The following CPED1 variants were observed in gnomAD, a reference collection of about 807,000 sequenced individuals.
The protein encoded by CPED1 is cadherin like and PC-esterase domain containing 1.
A neutral mutation model predicts 128.2 loss-of-function variants in CPED1; 114 were observed. The ratio of observed to expected loss-of-function variants is 0.89; its 90% CI spans 0.76 to 1.04. CPED1 has a LOEUF of 1.04. Ranked by LOEUF, CPED1 falls within the 50% of genes least tolerant of loss-of-function variation. The pLI is 0.00. For synonymous variants in CPED1, 462 were observed against 426.7 expected (o/e 1.08, Z -1.02); for missense variants, 1,211 against 1,207.1 (o/e 1.00, Z -0.05).
At chr7:121,221,791 G>T (rs985379597) in intron 16 of CPED1, among the ~76,000 whole-genome samples, 4 of 152,046 alleles carry the variant, frequency 2.6e-5, no homozygotes, top group African/African-American at 9.7e-5. Context: ...CATATCTTTT[G>T]CCCACTTTTT....
chr7:121,091,468 G>C (rs1027213923), intron 5 of CPED1, among the ~76,000 whole-genome samples: 1 of 152,188 alleles, frequency 6.6e-6, no homozygotes, highest in South Asian at 2.1e-4. Context: ...CTGTTAGTGA[G>C]TAGTGGTGGG....
chr7:121,208,476 T>G (rs752155153), intron 16 of CPED1, among the ~76,000 whole-genome samples: 2 of 152,070 alleles, frequency 1.3e-5, no homozygotes, highest in Non-Finnish European at 2.9e-5. Context: ...CTAGGTTCTT[T>G]ACATGTATCC....
chr7:121,290,040 A>G (rs917250864), intron 22 of CPED1, among the ~76,000 whole-genome samples: 4 of 152,046 alleles, frequency 2.6e-5, no homozygotes, highest in Admixed American at 2.6e-4. Context: ...CCCACTTACG[A>G]GTGAGACCAT....
At chr7:121,082,254 G>A (rs759157) in intron 5 of CPED1, among the ~76,000 whole-genome samples, 137,062 of 152,212 alleles carry the variant, frequency 0.9, 61,751 homozygotes, top group Middle Eastern at 0.99. Context: ...AATATTATGA[G>A]TCTATGAAAA....
intron 5 of CPED1, chr7:121,076,688 G>A (rs1027776384): frequency 2.6e-5 from 4 of 152,142 alleles, no homozygotes; most frequent in African/African-American, 7.2e-5. Flanking sequence ...CAATGTTTTA[G>A]TACTTCTTAT....
intron 22 of CPED1, 77 bp downstream of exon 22, chr7:121,271,507 A>C (rs1792228998): frequency 2.1e-6 from 3 of 1,399,414 alleles, no homozygotes; most frequent in African/African-American, 2.9e-5. Context: ...TTGTATTGTC[A>C]GTCTTATTTT....
At chr7:121,014,263 T>C (rs2116807822) in intron 2 of CPED1, among the ~76,000 whole-genome samples, 1 of 152,244 alleles carries the variant, frequency 6.6e-6, no homozygotes, top group East Asian at 1.9e-4. Context: ...AATAAAGATG[T>C]AGAATTGGGC....
intron 3 of CPED1, among the ~76,000 whole-genome samples, chr7:121,024,956 G>C (rs1792538854): frequency 6.6e-6 from 1 of 152,132 alleles, no homozygotes; most frequent in Non-Finnish European, 1.5e-5. Context: ...CAGTTTAGCT[G>C]TTTGAAGTAT....
intron 14 of CPED1, among the ~76,000 whole-genome samples, chr7:121,139,349 C>T (rs1245361081): frequency 6.6e-6 from 1 of 151,494 alleles, no homozygotes; most frequent in Non-Finnish European, 1.5e-5. Context: ...TGTTTTTCTT[C>T]CATAGCCTGA....
intron 16 of CPED1, among the ~76,000 whole-genome samples, chr7:121,199,799 C>T (rs776350153): frequency 7.9e-5 from 12 of 151,442 alleles, no homozygotes; most frequent in African/African-American, 1.7e-4. Context: ...GAACCACATA[C>T]GTAATTTTAA....
intron 16 of CPED1, among the ~76,000 whole-genome samples, chr7:121,215,173 G>A (rs1297784219): frequency 3.3e-5 from 5 of 151,956 alleles, no homozygotes. Context: ...GCTAGTGAAA[G>A]CATATTCCAG....
chr7:121,288,104 A>G (rs760355757), intron 22 of CPED1, among the ~76,000 whole-genome samples: 11 of 152,196 alleles, frequency 7.2e-5, no homozygotes, highest in Non-Finnish European at 2.9e-5. Context: ...AATAAATTGT[A>G]TGGGCTAGTG....
chr7:121,286,560 G>A lies in CPED1; in HGVS notation c.2869-8880G>A, dbSNP rs994980051. The stretch of plus-strand genomic sequence containing the variant: ...CTTTCTCCTACCCCTGGGAGATTCT[G>A]AAGGGTTATAAGATGAATGGCTGAC... On this transcript the variant is annotated intron_variant, in intron 22 of 22. Transcript: ENST00000310396. Among the ~76,000 whole-genome samples, 5 of 152,162 alleles carry A rather than the reference G, an allele frequency of 3.3e-5. No homozygotes were observed. In the East Asian group the frequency reaches 7.7e-4, roughly 23 times the overall value.
chr7:121,239,261 T>C (rs1475983044), intron 17 of CPED1, among the ~76,000 whole-genome samples: 1 of 152,184 alleles, frequency 6.6e-6, no homozygotes, highest in Non-Finnish European at 1.5e-5. Flanking sequence ...ACTGGATCTT[T>C]TTCTTTTCAC....
In CPED1 at chr7:121,244,305, G is replaced by A; in HGVS notation, c.2277G>A (p.Lys759=). The A allele has an allele frequency of 6.2e-7, 1 of 1,614,108 alleles. No individual in the cohort carries two copies. Among genetic ancestry groups the A allele is most frequent in the South Asian group, 1.1e-5 (1 of 91,082 alleles). The change falls in exon 18 of 23, where the codon AAG becomes AAA. Residue 759 remains lysine, a synonymous_variant. Coordinates refer to ENST00000310396, the MANE Select transcript of CPED1 (RefSeq NM_024913.5). Reference sequence around the variant, plus strand: ...ACTGCCAATATGGTGTCCTAACTAAGCCTCAACTCCAGCAGTGCCTGGGAG... The same window carrying A: ...ACTGCCAATATGGTGTCCTAACTAAACCTCAACTCCAGCAGTGCCTGGGAG... ...PHNCQYGVLT[K]PQLQQCLGGR...
At chr7:121,112,841 C>T (rs2116270516) in intron 7 of CPED1, among the ~76,000 whole-genome samples, 1 of 152,150 alleles carries the variant, frequency 6.6e-6, no homozygotes, top group East Asian at 1.9e-4. Context: ...TTGCAAACTG[C>T]CACACTAATG....
chr7:121,157,727 G>A (rs1444187177), intron 16 of CPED1, among the ~76,000 whole-genome samples: 8 of 152,110 alleles, frequency 5.3e-5, no homozygotes, highest in South Asian at 2.1e-4. Context: ...TATCAGACCC[G>A]CTGGCAGTTT....
chr7:121,237,891 A>G (rs1015823018), intron 17 of CPED1, among the ~76,000 whole-genome samples: 1 of 152,152 alleles, frequency 6.6e-6, no homozygotes, highest in African/African-American at 2.4e-5. Context: ...ACAGTCAGGG[A>G]ATAGAGAGGG....
chr7:121,266,607 T>C (rs761215168), intron 19 of CPED1, 100 bp from the exon 20 acceptor site: 62 of 1,176,842 alleles, frequency 5.3e-5, no homozygotes, highest in Non-Finnish European at 7.3e-5. Context: ...AGGAGTCTTA[T>C]GATCAAGATG....
Sources: allele counts gnomAD v4.1 joint callset (sites outside exome capture counted in the v4.1 genomes callset), GRCh38; gene constraint gnomAD v4.1.1; transcripts MANE v1.5; gene names NCBI Gene and HGNC (gene_info 2026-07-23, HGNC 2026-07-21).